Variants in BNC2 observed in about 807,000 individuals in gnomAD.
The protein encoded by BNC2 is basonuclin zinc finger protein 2.
Under a neutral mutation model 76.3 loss-of-function variants are expected in BNC2, and 20 were observed. The observed-to-expected ratio is 0.26, with a 90% confidence interval of 0.18 to 0.38. The LOEUF (loss-of-function observed/expected upper bound fraction) is 0.38. BNC2 is among the 10% of genes least tolerant of loss of function. The pLI, the probability that BNC2 is intolerant of heterozygous loss-of-function variation, is 1.00. For missense variants in BNC2, 1,382 were observed against 1,399.8 expected (o/e 0.99, Z 0.20); for synonymous variants, 582 against 514.8 (o/e 1.13, Z -1.77).
chr9:16,637,661 AT>A (rs1320527258), intron 3 of BNC2, among the ~76,000 whole-genome samples: 1 of 152,256 alleles, frequency 6.6e-6, no homozygotes, highest in Non-Finnish European at 1.5e-5. Context: ...CAGCAGCCTC[AT>A]GTATTTCAAA....
At chr9:16,627,489 G>A (rs1328375189) in intron 3 of BNC2, among the ~76,000 whole-genome samples, 1 of 152,126 alleles carries the variant, frequency 6.6e-6, no homozygotes, top group Admixed American at 6.5e-5. Flanking sequence ...ATTCAATGCG[G>A]CTCACACCAG....
At chr9:16,611,125 A>T (rs1253892011) in intron 3 of BNC2, among the ~76,000 whole-genome samples, 1 of 152,204 alleles carries the variant, frequency 6.6e-6, no homozygotes, top group Non-Finnish European at 1.5e-5. Flanking sequence ...AAATGGTTCT[A>T]ATTCTATGCT....
intron 3 of BNC2, among the ~76,000 whole-genome samples, chr9:16,693,889 T>G (rs993994587): frequency 3.9e-5 from 6 of 152,184 alleles, no homozygotes; most frequent in Non-Finnish European, 7.3e-5. Context: ...GAAAAGCACT[T>G]TAAAATGATC....
At chr9:16,675,986 AC>A (rs1822628146) in intron 3 of BNC2, among the ~76,000 whole-genome samples, 1 of 151,962 alleles carries the variant, frequency 6.6e-6, no homozygotes, top group Non-Finnish European at 1.5e-5. Flanking sequence ...AATCTCTTGA[AC>A]CCGGGAGGCA....
chr9:16,428,064 G>A (rs977948716), intron 6 of BNC2, among the ~76,000 whole-genome samples: 4 of 152,082 alleles, frequency 2.6e-5, no homozygotes, highest in Non-Finnish European at 5.9e-5. Flanking sequence ...CTGCTGAAAT[G>A]GATGCTAATA....
intron 1 of BNC2, among the ~76,000 whole-genome samples, chr9:16,814,449 T>C (rs1228436566): frequency 6.6e-6 from 1 of 152,224 alleles, no homozygotes; most frequent in African/African-American, 2.4e-5. Context: ...AGCCTTACTA[T>C]TTAAAAGAAA....
At chr9:16,780,249 A>AAAAAAAACAAAAAAAAAAC (rs1563939960) in intron 1 of BNC2, among the ~76,000 whole-genome samples, 81 of 132,024 alleles carry the variant, frequency 6.1e-4, no homozygotes, top group East Asian at 5.5e-3. Flanking sequence ...AAAAAAAAAA[A>AAAAAAAACAAAAAAAAAAC]AAAAAAACAA....
chr9:16,421,695 GC>G (rs1362008050), intron 6 of BNC2, among the ~76,000 whole-genome samples: 1 of 152,214 alleles, frequency 6.6e-6, no homozygotes, highest in African/African-American at 2.4e-5. Flanking sequence ...GACTCCAAGT[GC>G]AGGTTGCTAA....
intron 3 of BNC2, among the ~76,000 whole-genome samples, chr9:16,661,017 A>C (rs1186165497): frequency 6.6e-6 from 1 of 152,162 alleles, no homozygotes; most frequent in Non-Finnish European, 1.5e-5. Flanking sequence ...AGATGATCTA[A>C]CTTAATCCTA....
At chr9:16,587,986 C>G (rs1449944409) in intron 3 of BNC2, among the ~76,000 whole-genome samples, 1 of 152,102 alleles carries the variant, frequency 6.6e-6, no homozygotes, top group Non-Finnish European at 1.5e-5. Context: ...GTTTTCCCCT[C>G]TAGAATTTAA....
Position 16,846,133 on chromosome 9 carries a change from C to G in BNC2, c.3+24513G>C, listed in dbSNP as rs376227875. On this transcript the variant is annotated intron_variant, in intron 1 of 6. Transcript: ENST00000380672. ...CCAACGTGGGAGACAGAGCGAGACA[C>G]CGTCTCAAAAAAAAAAAAAAAAATT... Among the ~76,000 whole-genome samples the G allele has an allele frequency of 5.6e-3, 720 of 129,408 alleles. 2 individuals carry two copies. The highest frequency in any genetic ancestry group is 0.021 in the African/African-American group (675 of 31,796). The allele number at this position is 129,408 out of a possible 152,430, so 84.9% of individuals were successfully genotyped here. A position where few individuals can be genotyped will look rare whatever the true frequency, so the allele number is the denominator to read the frequency against.
rs1309811146 is a variant in BNC2, at chr9:16,475,775, C to T, written c.670-38251G>A. On this transcript the variant is annotated intron_variant, in intron 5 of 6. Coordinates refer to ENST00000380672, the MANE Select transcript of BNC2 (RefSeq NM_017637.6). ...AGCTGCTCAAAGAAAAGTCTCCAAA[C>T]TGCCTACTGTAAAGGCAAGTGAGAA... is the stretch of plus-strand genomic sequence containing the variant. 3.9e-5 allele frequency among the ~76,000 whole-genome samples: 6 copies of T among 152,322 alleles called. No individual in the cohort carries two copies. In the East Asian group the frequency reaches 9.7e-4, roughly 25 times the overall value.
chr9:16,616,350 C>G (rs1820696066), intron 3 of BNC2, among the ~76,000 whole-genome samples: 1 of 151,514 alleles, frequency 6.6e-6, no homozygotes, highest in African/African-American at 2.4e-5. Flanking sequence ...CATGATCACA[C>G]CACTGCACTC....
intron 3 of BNC2, among the ~76,000 whole-genome samples, chr9:16,586,515 G>A (rs1165134665): frequency 2.0e-5 from 3 of 152,296 alleles, no homozygotes; most frequent in Non-Finnish European, 2.9e-5. Flanking sequence ...CTCCCAGACT[G>A]TGATGCAGCT....
chr9:16,683,407 A>C (rs1377429111), intron 3 of BNC2, among the ~76,000 whole-genome samples: 1 of 152,212 alleles, frequency 6.6e-6, no homozygotes, highest in African/African-American at 2.4e-5. Flanking sequence ...CGCTGCTCCT[A>C]AATTGAGGTG....
At chr9:16,446,548 A>G (rs1821235593) in intron 5 of BNC2, among the ~76,000 whole-genome samples, 1 of 152,156 alleles carries the variant, frequency 6.6e-6, no homozygotes, top group South Asian at 2.1e-4. Flanking sequence ...GTTGAACAAT[A>G]TACTCTCCAA....
intron 3 of BNC2, among the ~76,000 whole-genome samples, chr9:16,674,805 C>T (rs963695195): frequency 6.6e-6 from 1 of 152,192 alleles, no homozygotes; most frequent in African/African-American, 2.4e-5. Flanking sequence ...TGCGTATATG[C>T]TCCTTGAAGC....
intron 1 of BNC2, among the ~76,000 whole-genome samples, chr9:16,813,226 T>A (rs1818096937): frequency 6.6e-6 from 1 of 151,598 alleles, no homozygotes; most frequent in Admixed American, 6.6e-5. Context: ...AAGGTCTATA[T>A]ACCCACAACA....
At chr9:16,518,991 T>C (rs903059279) in intron 5 of BNC2, among the ~76,000 whole-genome samples, 2 of 152,344 alleles carry the variant, frequency 1.3e-5, no homozygotes, top group South Asian at 2.1e-4. Flanking sequence ...AAGTGTGTTA[T>C]CAGCATGTCT....
Sources: allele counts gnomAD v4.1 joint callset (sites outside exome capture counted in the v4.1 genomes callset), GRCh38; gene constraint gnomAD v4.1.1; transcripts MANE v1.5; gene names NCBI Gene and HGNC (gene_info 2026-07-23, HGNC 2026-07-21).